Variants in TTC34 observed in about 807,000 individuals in gnomAD.
TTC34 encodes tetratricopeptide repeat domain 34.
TTC34 carries 44 observed loss-of-function variants against 40.7 expected under a neutral mutation model. The observed-to-expected ratio is 1.08, with a 90% CI of 0.85 to 1.39. The LOEUF is 1.39. TTC34 is among the 40% of genes most tolerant of loss of function. TTC34 has a pLI of 0.00. For missense variants in TTC34, 884 were observed against 838.0 expected, an observed-to-expected ratio of 1.05 and a Z score of -0.68; for synonymous variants, 422 against 398.6, an observed-to-expected ratio of 1.06 and a Z score of -0.70.
chr1:2,649,376 T>G (rs918995984), intron 6 of TTC34, among the ~76,000 whole-genome samples: 1 of 151,756 alleles, frequency 6.6e-6, no homozygotes, highest in African/African-American at 2.4e-5. Context: ...GGTGAGAATC[T>G]GAATGCCTGG....
chr1:2,790,385 GC>G (rs1419952638), intron 2 of TTC34, 39 bp from the exon 3 acceptor site: 1 of 398,498 alleles, frequency 2.5e-6, no homozygotes, highest in East Asian at 3.6e-5. Flanking sequence ...TGCCTGGGGG[GC>G]CGACTCCCCG....
intron 6 of TTC34, among the ~76,000 whole-genome samples, chr1:2,665,995 A>C (rs1450375274): frequency 6.7e-5 from 3 of 44,836 alleles, no homozygotes; most frequent in Non-Finnish European, 1.6e-4. Flanking sequence ...GACAGCCTGG[A>C]AGAGCACCCC....
At position 2,748,793 on chromosome 1, in the gene TTC34, A is replaced by T. The variant is rs1641227120; in HGVS notation, c.2226+34816T>A. 1.4e-5 allele frequency among the ~76,000 whole-genome samples: 2 copies of T among 146,730 alleles called. 1 individual carries two copies. Among genetic ancestry groups the T allele is most frequent in the Non-Finnish European group, 3.0e-5 (2 of 67,428 alleles). On this transcript the variant is annotated intron_variant, in intron 6 of 8. Transcript: ENST00000401095. Reference sequence around the variant, plus strand: ...AGAGCATCCGGCAGCCTGGAGCGGAACCCACACCCACAGGCGAGCATCTGA... The same window carrying T: ...AGAGCATCCGGCAGCCTGGAGCGGATCCCACACCCACAGGCGAGCATCTGA...
intron 6 of TTC34, among the ~76,000 whole-genome samples, chr1:2,767,997 C>A (rs573161080): frequency 1.3e-4 from 19 of 150,974 alleles, no homozygotes; most frequent in African/African-American, 4.4e-4. Flanking sequence ...CGTGGAACAG[C>A]ACGTCCCCTC....
At chr1:2,642,746 C>T (rs555528272) in intron 8 of TTC34, among the ~76,000 whole-genome samples, 2 of 152,242 alleles carry the variant, frequency 1.3e-5, no homozygotes, top group African/African-American at 2.4e-5. Flanking sequence ...ACGCTACCTC[C>T]CCCGGGGGGC....
intron 6 of TTC34, among the ~76,000 whole-genome samples, chr1:2,698,726 A>C (rs1557630989): frequency 1.5e-5 from 2 of 131,500 alleles, no homozygotes; most frequent in Admixed American, 7.7e-5. Flanking sequence ...CAGCACCAAC[A>C]ACCCCAGGCT....
intron 6 of TTC34, among the ~76,000 whole-genome samples, chr1:2,651,934 C>G (rs925438059): frequency 1.3e-5 from 2 of 152,090 alleles, no homozygotes; most frequent in Non-Finnish European, 2.9e-5. Flanking sequence ...CTCAGGGGAG[C>G]ATCTGACAGC....
intron 6 of TTC34, among the ~76,000 whole-genome samples, chr1:2,675,539 G>C (rs1639878282): frequency 7.5e-6 from 1 of 133,080 alleles, no homozygotes; most frequent in Admixed American, 7.7e-5. Flanking sequence ...GTGCGCACGT[G>C]ACAGCCTGGA....
chr1:2,779,480 C>T (rs572910898), intron 6 of TTC34, among the ~76,000 whole-genome samples: 4 of 152,240 alleles, frequency 2.6e-5, no homozygotes, highest in Middle Eastern at 3.4e-3. Context: ...CGTGCCACCA[C>T]GCCTGGCTAA....
At chr1:2,758,864 ACAGCACCCACACCCCCAGGT>A (rs1641596907) in intron 6 of TTC34, among the ~76,000 whole-genome samples, 1 of 34,104 alleles carries the variant, frequency 2.9e-5, no homozygotes, top group Non-Finnish European at 4.8e-5. Context: ...ACAACCTGGA[ACAGCACCCACACCCCCAGGT>A]GAGCAGCTGA....
exon 3 of TTC34, chr1:2,789,802 C>T: frequency 2.1e-6 from 1 of 482,734 alleles, no homozygotes; most frequent in Non-Finnish European, 3.6e-6. Flanking sequence ...GCGCCCCCTG[C>T]TCCACTACCG....
intron 6 of TTC34, among the ~76,000 whole-genome samples, chr1:2,761,836 G>C: frequency 1.5e-5 from 1 of 67,122 alleles, no homozygotes; most frequent in South Asian, 9.2e-4. Context: ...TGACAACCTA[G>C]AACAGCACCT....
At chr1:2,785,855 C>T (rs1442266372) in exon 5 of TTC34, 12 of 1,545,122 alleles carry the variant, frequency 7.8e-6, no homozygotes, top group Non-Finnish European at 8.7e-6. Flanking sequence ...TAGGCGATGG[C>T]CTCCTTGGTG....
intron 6 of TTC34, chr1:2,774,739 C>CT (rs1642918399): frequency 3.3e-5 from 1 of 30,140 alleles, no homozygotes; most frequent in African/African-American, 1.4e-4. Context: ...GAGCAGCACC[C>CT]ACACCCCCAG....
At chr1:2,654,198 C>T (rs1480307551) in intron 6 of TTC34, among the ~76,000 whole-genome samples, 75 of 147,988 alleles carry the variant, frequency 5.1e-4, no homozygotes, top group African/African-American at 1.7e-3. Flanking sequence ...CAGCCTGGAG[C>T]AGCACCCACA....
intron 2 of TTC34, among the ~76,000 whole-genome samples, chr1:2,795,071 G>A (rs1643698986): frequency 6.9e-6 from 1 of 145,302 alleles, no homozygotes; most frequent in Non-Finnish European, 1.5e-5. Context: ...GCAACGTGGT[G>A]AGACCCCATC....
chr1:2,800,884 C>T lies in TTC34; in HGVS notation c.-41-16G>A. The stretch of plus-strand genomic sequence containing the variant: ...CTCAGAGTACCTGGGGGTGGGGGAG[C>T]ATGGTGAGTCCACAGAGGGCGGCCA... On this transcript the variant is annotated splice_polypyrimidine_tract_variant and intron_variant, in intron 1 of 8. Transcript: ENST00000401095. 1 of 398,546 alleles carries T rather than the reference C, an allele frequency of 2.5e-6. No individual in the cohort carries two copies. The highest frequency in any genetic ancestry group is 4.4e-6 in the Non-Finnish European group (1 of 226,082). 24.7% of individuals were successfully genotyped at this position (398,546 alleles called of 1,614,324 possible).
chr1:2,683,795 C>A (rs1463133988), intron 6 of TTC34, among the ~76,000 whole-genome samples: 1 of 151,272 alleles, frequency 6.6e-6, no homozygotes, highest in African/African-American at 2.4e-5. Context: ...CACGCACACC[C>A]CCAGTTGAGC....
chr1:2,784,078 C>T (rs373051407), intron 5 of TTC34, among the ~76,000 whole-genome samples: 12 of 152,216 alleles, frequency 7.9e-5, no homozygotes, highest in Middle Eastern at 3.4e-3. Flanking sequence ...CATCAAGACG[C>T]GGAGACCGGT....
Sources: allele counts gnomAD v4.1 joint callset (sites outside exome capture counted in the v4.1 genomes callset), GRCh38; gene constraint gnomAD v4.1.1; transcripts MANE v1.5; gene names NCBI Gene and HGNC (gene_info 2026-07-23, HGNC 2026-07-21).